Variants in SIPA1L3 observed in about 807,000 individuals in gnomAD.
SIPA1L3 encodes the protein signal induced proliferation associated 1 like 3, also known as signal-induced proliferation-associated 1-like protein 3.
SIPA1L3 carries 59 observed loss-of-function variants against 150.1 expected under a neutral mutation model. That is an observed-to-expected ratio of 0.39 (90% CI 0.32 to 0.49). SIPA1L3 has a LOEUF of 0.49. SIPA1L3 is among the 20% of genes least tolerant of loss of function. The pLI is 0.86. For missense variants in SIPA1L3, 2,211 were observed against 2,489.5 expected (o/e 0.89, Z 2.38); for synonymous variants, 1,070 against 1,077.6 (o/e 0.99, Z 0.14).
intron 1 of SIPA1L3, among the ~76,000 whole-genome samples, chr19:37,922,753 A>G: frequency 6.6e-6 from 1 of 152,204 alleles, no homozygotes; most frequent in African/African-American, 2.4e-5. Flanking sequence ...ACCAGGGTGC[A>G]GCCATGAGGA....
Position 38,082,195 on chromosome 19 carries a change from G to A in SIPA1L3, c.630G>A (p.Val210=). 1.2e-6 allele frequency: 2 copies of A among 1,603,752 alleles called. No homozygotes were observed. Among genetic ancestry groups the A allele is most frequent in the Non-Finnish European group, 8.5e-7 (1 of 1,179,780 alleles). ...ACGGGAGCACCTCGTCCATCGACGT[G>A]CAGGGCATGCCCGAGCAGAGCTTCT... ...REYGSTSSID[V]QGMPEQSFFD... Residue 210 remains valine (V), a synonymous_variant, in exon 3 of 22, where the codon GTG becomes GTA. Transcript: ENST00000222345.
At chr19:37,959,078 G>A (rs370925508) in intron 1 of SIPA1L3, among the ~76,000 whole-genome samples, 2 of 152,152 alleles carry the variant, frequency 1.3e-5, no homozygotes, top group East Asian at 3.8e-4. Context: ...ATGGCTGGTG[G>A]GATTGTAAAA....
At chr19:37,924,061 G>A (rs772900168) in intron 1 of SIPA1L3, among the ~76,000 whole-genome samples, 5 of 152,060 alleles carry the variant, frequency 3.3e-5, no homozygotes, top group Non-Finnish European at 7.4e-5. Flanking sequence ...GGCATGAGCC[G>A]CTGCACCTGG....
At chr19:38,131,038 C>T (rs1245760934) in intron 10 of SIPA1L3, among the ~76,000 whole-genome samples, 1 of 152,216 alleles carries the variant, frequency 6.6e-6, no homozygotes, top group Non-Finnish European at 1.5e-5. Flanking sequence ...TCATTCTTCC[C>T]ATTTCCTACA....
intron 8 of SIPA1L3, among the ~76,000 whole-genome samples, chr19:38,118,203 G>T (rs1191707969): frequency 6.6e-6 from 1 of 152,054 alleles, no homozygotes; most frequent in Non-Finnish European, 1.5e-5. Flanking sequence ...CTACAATAAA[G>T]CCGTATAACA....
chr19:38,051,573 T>C (rs991420332), intron 2 of SIPA1L3, among the ~76,000 whole-genome samples: 2 of 152,082 alleles, frequency 1.3e-5, no homozygotes, highest in African/African-American at 4.8e-5. Context: ...CTGTTGGTTT[T>C]GATTTGTTTC....
chr19:37,954,876 C>T (rs1407894094), intron 1 of SIPA1L3, among the ~76,000 whole-genome samples: 3 of 152,052 alleles, frequency 2.0e-5, no homozygotes, highest in Non-Finnish European at 4.4e-5. Context: ...CTCTTGAGGC[C>T]AGGAGTTCGA....
At chr19:38,194,605 T>A (rs1174929519) in intron 18 of SIPA1L3, among the ~76,000 whole-genome samples, 1 of 152,106 alleles carries the variant, frequency 6.6e-6, no homozygotes, top group African/African-American at 2.4e-5. Flanking sequence ...TCCAAGCACA[T>A]CTCAAATTCA....
chr19:38,202,009 C>T lies in SIPA1L3; in HGVS notation c.5120+12C>T, dbSNP rs751723910. The T allele has an allele frequency of 5.4e-5, 86 of 1,601,080 alleles. No homozygotes were observed. Among genetic ancestry groups the T allele is most frequent in the Non-Finnish European group, 7.0e-5 (82 of 1,174,846 alleles). On this transcript the variant is annotated intron_variant, in intron 20 of 21. Transcript: ENST00000222345. ...ACCCCTACCATGAGGTGAGGTTTCC[C>T]TGGGAACACCCGGGTTCATACCAGC... is the stretch of plus-strand genomic sequence containing the variant.
chr19:38,124,944 T>A (rs1971136629), intron 9 of SIPA1L3, among the ~76,000 whole-genome samples: 1 of 124,972 alleles, frequency 8.0e-6, no homozygotes, highest in Non-Finnish European at 1.6e-5. Context: ...TGAGCCGAGA[T>A]GGCAGCAGTA....
intron 2 of SIPA1L3, among the ~76,000 whole-genome samples, chr19:38,037,356 A>G (rs1392405389): frequency 6.6e-6 from 1 of 152,136 alleles, no homozygotes; most frequent in African/African-American, 2.4e-5. Context: ...GAATGGGGAG[A>G]GAGTCCCTGG....
intron 1 of SIPA1L3, among the ~76,000 whole-genome samples, chr19:37,913,195 G>C (rs560660283): frequency 2.8e-4 from 42 of 152,240 alleles, no homozygotes; most frequent in Non-Finnish European, 2.1e-4. Context: ...ATGTCTGCAA[G>C]ACTTTCAGCA....
chr19:38,008,105 T>C (rs998769210), intron 1 of SIPA1L3, among the ~76,000 whole-genome samples: 2 of 151,828 alleles, frequency 1.3e-5, no homozygotes, highest in Non-Finnish European at 2.9e-5. Context: ...GATGCGGACC[T>C]CAGGCCCCCA....
At chr19:38,118,962 A>G (rs1482448193) in intron 8 of SIPA1L3, among the ~76,000 whole-genome samples, 3 of 152,152 alleles carry the variant, frequency 2.0e-5, no homozygotes, top group African/African-American at 7.2e-5. Flanking sequence ...TGGGAAGCCC[A>G]GGAGGTAGGA....
chr19:37,950,100 A>AG (rs1568475576), intron 1 of SIPA1L3, among the ~76,000 whole-genome samples: 10 of 150,164 alleles, frequency 6.7e-5, no homozygotes, highest in Non-Finnish European at 1.5e-4. Flanking sequence ...AAAAAAAAAA[A>AG]GAGTGTGACC....
chr19:38,090,942 C>A (rs1158975425), intron 4 of SIPA1L3, among the ~76,000 whole-genome samples: 1 of 152,234 alleles, frequency 6.6e-6, no homozygotes, highest in African/African-American at 2.4e-5. Context: ...TGGTCACCAG[C>A]CTCTGTCTCC....
At chr19:38,089,328 CAAAAAA>C (rs55806031) in intron 4 of SIPA1L3, among the ~76,000 whole-genome samples, 3 of 64,288 alleles carry the variant, frequency 4.7e-5, no homozygotes, top group African/African-American at 1.0e-4. Context: ...GACTGTGTCT[CAAAAAA>C]AAAAAAAAAA....
At chr19:38,186,762 A>C (rs1972688821) in intron 16 of SIPA1L3, among the ~76,000 whole-genome samples, 2 of 148,160 alleles carry the variant, frequency 1.3e-5, no homozygotes, top group Non-Finnish European at 3.0e-5. Context: ...AGGCTGAGGC[A>C]GGTGGATCAC....
chr19:38,100,721 A>G (rs1970481889), intron 5 of SIPA1L3, among the ~76,000 whole-genome samples: 2 of 152,242 alleles, frequency 1.3e-5, no homozygotes, highest in African/African-American at 4.8e-5. Context: ...GCAGAATCTC[A>G]GCCCATCCCA....
Sources: allele counts gnomAD v4.1 joint callset (sites outside exome capture counted in the v4.1 genomes callset), GRCh38; gene constraint gnomAD v4.1.1; transcripts MANE v1.5; gene names NCBI Gene and HGNC (gene_info 2026-07-23, HGNC 2026-07-21).